The following TMEM178B variants were observed in gnomAD, a reference collection of about 807,000 sequenced individuals.
TMEM178B encodes the protein transmembrane protein 178B.
Under a neutral mutation model 31.0 loss-of-function variants are expected in TMEM178B, and 5 were observed. That is an observed-to-expected ratio of 0.16 (90% CI 0.08 to 0.34). The LOEUF is 0.34. Ranked by LOEUF, TMEM178B falls within the 10% of genes least tolerant of loss-of-function variation. The pLI is 1.00. For missense variants in TMEM178B, 275 were observed against 400.3 expected, an observed-to-expected ratio of 0.69 and a Z score of 2.67; for synonymous variants, 164 against 164.0, an observed-to-expected ratio of 1.00 and a Z score of 0.00.
chr7:141,089,071 G>A (rs550075064), intron 1 of TMEM178B, among the ~76,000 whole-genome samples: 19 of 152,314 alleles, frequency 1.2e-4, no homozygotes, highest in African/African-American at 4.6e-4. Flanking sequence ...GGATAAAAAG[G>A]TGAGTAGGAA....
chr7:141,265,570 A>G (rs987820012), intron 2 of TMEM178B, among the ~76,000 whole-genome samples: 1 of 152,198 alleles, frequency 6.6e-6, no homozygotes, highest in African/African-American at 2.4e-5. Context: ...TTCTGTCTCC[A>G]GCATCTAGCA....
chr7:141,483,271 A>G (rs1802507660), downstream of TMEM178B, among the ~76,000 whole-genome samples: 2 of 152,174 alleles, frequency 1.3e-5, no homozygotes. Context: ...GAGTCAGAGC[A>G]AACAAAACAC....
At chr7:141,415,916 C>T (rs916487358) in intron 2 of TMEM178B, 2 of 152,480 alleles carry the variant, frequency 1.3e-5, no homozygotes, top group African/African-American at 4.8e-5. Flanking sequence ...CATAGAAATG[C>T]ACTTCTGATT....
intron 2 of TMEM178B, among the ~76,000 whole-genome samples, chr7:141,313,859 G>A (rs1028616403): frequency 6.6e-6 from 1 of 151,670 alleles, no homozygotes; most frequent in African/African-American, 2.4e-5. Context: ...AAATGTAGAG[G>A]CACACTTTTG....
At chr7:141,199,580 TTCTC>T (rs1001309646) in intron 1 of TMEM178B, among the ~76,000 whole-genome samples, 22 of 151,736 alleles carry the variant, frequency 1.4e-4, no homozygotes, top group Admixed American at 1.2e-3. Context: ...TTCCTTCCTC[TTCTC>T]TCTCTCTCTC....
At chr7:141,403,965 G>C (rs1586938146) in intron 2 of TMEM178B, among the ~76,000 whole-genome samples, 1 of 152,150 alleles carries the variant, frequency 6.6e-6, no homozygotes, top group Non-Finnish European at 1.5e-5. Context: ...CAATGTGTTA[G>C]TTTTCTAGGG....
chr7:141,220,243 G>A (rs1038283497), intron 2 of TMEM178B, among the ~76,000 whole-genome samples: 4 of 151,706 alleles, frequency 2.6e-5, no homozygotes, highest in Non-Finnish European at 5.9e-5. Context: ...AACCTGGGAG[G>A]TGGAGTTTGC....
At chr7:141,175,106 A>G (rs1343239880) in intron 1 of TMEM178B, among the ~76,000 whole-genome samples, 1 of 152,160 alleles carries the variant, frequency 6.6e-6, no homozygotes, top group Non-Finnish European at 1.5e-5. Context: ...TCTAACATTT[A>G]AGTCTTTAAT....
intron 1 of TMEM178B, among the ~76,000 whole-genome samples, chr7:141,100,398 A>G (rs935316524): frequency 6.6e-6 from 1 of 152,174 alleles, no homozygotes; most frequent in Non-Finnish European, 1.5e-5. Context: ...ACACTCATAC[A>G]CATTTCTTTT....
At chr7:141,180,399 G>T (rs1475666629) in intron 1 of TMEM178B, among the ~76,000 whole-genome samples, 5 of 143,570 alleles carry the variant, frequency 3.5e-5, no homozygotes, top group Admixed American at 2.2e-4. Context: ...GGTGGAGTTT[G>T]CAGTGAGCTG....
At chr7:141,254,116 G>T (rs1301095595) in intron 2 of TMEM178B, among the ~76,000 whole-genome samples, 1 of 152,230 alleles carries the variant, frequency 6.6e-6, no homozygotes, top group Non-Finnish European at 1.5e-5. Context: ...AATCTTCCCG[G>T]TGGAAAGGAA....
At chr7:141,087,171 T>C (rs1794802437) in intron 1 of TMEM178B, among the ~76,000 whole-genome samples, 2 of 152,316 alleles carry the variant, frequency 1.3e-5, no homozygotes, top group Non-Finnish European at 2.9e-5. Flanking sequence ...GAAAACTTTG[T>C]CCCTGGGGCA....
chr7:141,429,315 ACACAC>A (rs1801379476), intron 2 of TMEM178B, among the ~76,000 whole-genome samples: 1 of 84,602 alleles, frequency 1.2e-5, no homozygotes, highest in African/African-American at 6.0e-5. Context: ...TAATACACAC[ACACAC>A]ACACACACAC....
At chr7:141,109,105 C>T (rs932062983) in intron 1 of TMEM178B, among the ~76,000 whole-genome samples, 3 of 152,164 alleles carry the variant, frequency 2.0e-5, no homozygotes, top group Non-Finnish European at 4.4e-5. Flanking sequence ...AACTGGGTCC[C>T]TCCCACAACA....
chr7:141,407,905 T>C (rs1800913598), intron 2 of TMEM178B, among the ~76,000 whole-genome samples: 1 of 152,240 alleles, frequency 6.6e-6, no homozygotes, highest in Non-Finnish European at 1.5e-5. Context: ...AACATGTATA[T>C]GATGCTTTAA....
At chr7:141,267,329 C>T (rs1207332842) in intron 2 of TMEM178B, among the ~76,000 whole-genome samples, 3 of 152,194 alleles carry the variant, frequency 2.0e-5, no homozygotes, top group Non-Finnish European at 4.4e-5. Context: ...TGAGTGAGTC[C>T]TACCTAGAGT....
chr7:141,348,236 G>T (rs1799653284), intron 2 of TMEM178B, among the ~76,000 whole-genome samples: 1 of 152,154 alleles, frequency 6.6e-6, no homozygotes, highest in African/African-American at 2.4e-5. Flanking sequence ...GAAAAATAAG[G>T]TCACAAAATC....
chr7:141,345,580 A>G (rs1045960903), intron 2 of TMEM178B, among the ~76,000 whole-genome samples: 1 of 152,164 alleles, frequency 6.6e-6, no homozygotes, highest in Non-Finnish European at 1.5e-5. Context: ...GTTATGTTCA[A>G]GTATTAGGTG....
intron 2 of TMEM178B, among the ~76,000 whole-genome samples, chr7:141,273,889 C>G (rs546418698): frequency 1.3e-5 from 2 of 152,332 alleles, no homozygotes; most frequent in East Asian, 3.9e-4. Context: ...TTCTCAAACT[C>G]AACAACTAGT....
Sources: gnomAD v4.1 joint callset for allele counts (sites outside exome capture counted in the v4.1 genomes callset) on GRCh38, gnomAD v4.1.1 for gene constraint, MANE v1.5 for transcripts, NCBI Gene and HGNC (gene_info 2026-07-23, HGNC 2026-07-21) for gene names.